HDAC9: variants seen among roughly 807,000 people sequenced by gnomAD.
HDAC9 encodes the protein histone deacetylase 9, also known as MEF-2 interacting transcription repressor (MITR) protein.
HDAC9 carries 41 observed loss-of-function variants against 139.4 expected under a neutral mutation model. That is an observed-to-expected ratio of 0.29 (90% CI 0.23 to 0.38). The LOEUF (loss-of-function observed/expected upper bound fraction) is 0.38. Ranked by LOEUF, HDAC9 falls within the 10% of genes least tolerant of loss-of-function variation. The pLI, the probability that HDAC9 is intolerant of heterozygous loss-of-function variation, is 1.00. For missense variants in HDAC9, 1,147 were observed against 1,297.0 expected (o/e 0.88, Z 1.78); for synonymous variants, 517 against 476.2 (o/e 1.09, Z -1.12).
rs1786785675 is a variant in HDAC9 at position 19,002,253 on chromosome 7, T to C, written c.*6191T>C. 1 of 152,138 alleles carries C rather than the reference T, an allele frequency of 6.6e-6. No individual in the cohort carries two copies. Among genetic ancestry groups the C allele is most frequent in the South Asian group, 2.1e-4 (1 of 4,832 alleles). The allele number at this position is 152,138 out of a possible 1,614,324, so 9.4% of individuals were successfully genotyped here. ...GAATGTCCACCTTCTTCTGATTCCT[T>C]TTTTGTATTTGAAAATGCAATGGTG... On this transcript the variant is annotated 3_prime_UTR_variant, in exon 26 of 26. Transcript: ENST00000686413.
At chr7:18,886,058 GA>G (rs1800123444) in intron 22 of HDAC9, among the ~76,000 whole-genome samples, 1 of 152,178 alleles carries the variant, frequency 6.6e-6, no homozygotes, top group Non-Finnish European at 1.5e-5. Context: ...GGCTGATTAA[GA>G]AGGCAAACCT....
chr7:18,138,059 T>C (rs1005366632), intron 1 of HDAC9, among the ~76,000 whole-genome samples: 5 of 152,250 alleles, frequency 3.3e-5, no homozygotes, highest in Admixed American at 2.6e-4. Context: ...GAGGAAGTTA[T>C]GCATTAGTAC....
At chr7:18,150,100 C>G (rs1031929225) in intron 1 of HDAC9, among the ~76,000 whole-genome samples, 25 of 147,364 alleles carry the variant, frequency 1.7e-4, no homozygotes, top group African/African-American at 5.5e-4. Flanking sequence ...TTTAAGTGCA[C>G]AAATATTTTA....
intron 2 of HDAC9, among the ~76,000 whole-genome samples, chr7:18,206,025 C>A (rs1051170633): frequency 6.6e-6 from 1 of 151,918 alleles, no homozygotes; most frequent in African/African-American, 2.4e-5. Context: ...TTAATAGTAA[C>A]TTTTAATAGT....
chr7:18,705,845 T>C, intron 12 of HDAC9, among the ~76,000 whole-genome samples: 1 of 121,284 alleles, frequency 8.2e-6, no homozygotes, highest in East Asian at 2.6e-4. Context: ...AGAGAGAGAC[T>C]CTGTCTCAAA....
At chr7:18,616,718 T>C (rs934422877) in intron 6 of HDAC9, among the ~76,000 whole-genome samples, 5 of 152,148 alleles carry the variant, frequency 3.3e-5, no homozygotes, top group Admixed American at 6.6e-5. Flanking sequence ...TGGAAGGTTC[T>C]GAAACAGGAC....
chr7:18,867,487 G>A (rs1482766995), intron 21 of HDAC9, among the ~76,000 whole-genome samples: 1 of 152,188 alleles, frequency 6.6e-6, no homozygotes, highest in Non-Finnish European at 1.5e-5. Flanking sequence ...ATACTAGTAT[G>A]TGATAGCTGC....
At position 18,616,395 on chromosome 7, in the gene HDAC9, C is replaced by G. The variant is rs918027910; in HGVS notation, c.665-12955C>G. On this transcript the variant is annotated intron_variant, in intron 6 of 25. Transcript: ENST00000686413. ...GAAATTTGTTTGCGATGCCTTTATC[C>G]GGGCAGTCATCCAGAGAAAGTTGAC... Among the ~76,000 whole-genome samples the G allele has an allele frequency of 2.6e-5, 4 of 152,142 alleles. No individual in the cohort carries two copies. In the East Asian group the frequency reaches 7.7e-4, roughly 29 times the overall value.
At chr7:18,927,687 A>AT (rs1206880179) in intron 22 of HDAC9, among the ~76,000 whole-genome samples, 1 of 152,230 alleles carries the variant, frequency 6.6e-6, no homozygotes, top group African/African-American at 2.4e-5. Context: ...CCCAAATGTA[A>AT]TTGACATGTT....
intron 1 of HDAC9, among the ~76,000 whole-genome samples, chr7:18,441,195 G>A (rs893925542): frequency 2.6e-5 from 4 of 152,134 alleles, no homozygotes; most frequent in African/African-American, 9.7e-5. Context: ...CTGTTCGTTT[G>A]TTAATAGCAA....
At chr7:18,349,070 T>C (rs1344640899) in intron 1 of HDAC9, among the ~76,000 whole-genome samples, 1 of 152,104 alleles carries the variant, frequency 6.6e-6, no homozygotes, top group Non-Finnish European at 1.5e-5. Flanking sequence ...TTTCCCAATA[T>C]GAGAACATGA....
At chr7:18,844,205 G>A (rs1259794904) in intron 21 of HDAC9, among the ~76,000 whole-genome samples, 1 of 152,162 alleles carries the variant, frequency 6.6e-6, no homozygotes, top group East Asian at 1.9e-4. Context: ...TGTGGGCACT[G>A]CAGTACTGGG....
chr7:18,950,368 A>T (rs1782707539), intron 23 of HDAC9, among the ~76,000 whole-genome samples: 1 of 152,066 alleles, frequency 6.6e-6, no homozygotes, highest in African/African-American at 2.4e-5. Flanking sequence ...AGAGCAGTTC[A>T]CCTTAGAAAA....
At chr7:18,635,231 G>A (rs1315074026) in intron 8 of HDAC9, among the ~76,000 whole-genome samples, 1 of 151,798 alleles carries the variant, frequency 6.6e-6, no homozygotes, top group Non-Finnish European at 1.5e-5. Flanking sequence ...CCTCTCAGAG[G>A]AAGAACCTAG....
At chr7:18,648,805 C>A in intron 11 of HDAC9, 122 bp downstream of exon 11, 1 of 787,786 alleles carries the variant, frequency 1.3e-6, no homozygotes, top group South Asian at 1.7e-5. Context: ...ATGTGATCAT[C>A]CTAAGCCTGC....
intron 2 of HDAC9, among the ~76,000 whole-genome samples, chr7:18,503,616 A>G (rs1798978987): frequency 6.6e-6 from 1 of 152,300 alleles, no homozygotes; most frequent in Middle Eastern, 3.4e-3. Flanking sequence ...AATACCCATT[A>G]ATTAAATCCA....
chr7:18,978,302 C>G (rs1438832908), intron 25 of HDAC9, among the ~76,000 whole-genome samples: 2 of 152,126 alleles, frequency 1.3e-5, no homozygotes, highest in African/African-American at 4.8e-5. Context: ...TCCTGGCCAA[C>G]TCATATCTGA....
intron 16 of HDAC9, among the ~76,000 whole-genome samples, chr7:18,777,470 G>C (rs1212779846): frequency 6.6e-6 from 1 of 151,864 alleles, no homozygotes; most frequent in Non-Finnish European, 1.5e-5. Flanking sequence ...TGATTTGTTG[G>C]TCCCATTGTG....
chr7:18,407,558 TA>T (rs59165546), intron 1 of HDAC9, among the ~76,000 whole-genome samples: 9,575 of 147,420 alleles, frequency 0.065, 639 homozygotes, highest in East Asian at 0.18. Flanking sequence ...AGATCTTGGA[TA>T]AAAAAAAAAA....
Sources: allele counts gnomAD v4.1 joint callset (sites outside exome capture counted in the v4.1 genomes callset), GRCh38; gene constraint gnomAD v4.1.1; transcripts MANE v1.5; gene names NCBI Gene and HGNC (gene_info 2026-07-23, HGNC 2026-07-21).